FAM171A1: variants seen among roughly 807,000 people sequenced by gnomAD.
FAM171A1 encodes the protein family with sequence similarity 171 member A1, also known as protein FAM171A1.
FAM171A1 carries 23 observed loss-of-function variants against 74.9 expected under a neutral mutation model. That is an observed-to-expected ratio of 0.31 (90% CI 0.22 to 0.44). The LOEUF (loss-of-function observed/expected upper bound fraction) is 0.44, where lower values mean the gene tolerates loss of function less well. Ranked by LOEUF, FAM171A1 falls within the 20% of genes least tolerant of loss-of-function variation. The probability of loss-of-function intolerance (pLI) is 1.00; values close to 1 mark genes in which losing one functional copy is unlikely to be tolerated. For synonymous variants in FAM171A1, 527 were observed against 505.7 expected (o/e 1.04, Z -0.57); for missense variants, 1,162 against 1,159.2 (o/e 1.00, Z -0.03).
At position 15,332,113 on chromosome 10, in the gene FAM171A1, C is replaced by A. The variant is rs534548727; in HGVS notation, c.97+38843G>T. On this transcript the variant is annotated intron_variant, in intron 1 of 7. Coordinates refer to ENST00000378116, the MANE Select transcript of FAM171A1 (RefSeq NM_001010924.2). ...GATTACAGGTGGGCACCACCATGCCCAGCTAATTTTTTGTATTTTTAGTAG... is the reference window on the plus strand; with the variant it reads ...GATTACAGGTGGGCACCACCATGCCAAGCTAATTTTTTGTATTTTTAGTAG... 1.5e-4 allele frequency among the ~76,000 whole-genome samples: 22 copies of A among 151,514 alleles called. No individual in the cohort carries two copies. The East Asian group carries it at 2.3e-3, about 16-fold the overall frequency.
chr10:15,239,529 T>C (rs1834337270), intron 5 of FAM171A1, among the ~76,000 whole-genome samples: 1 of 152,084 alleles, frequency 6.6e-6, no homozygotes, highest in Admixed American at 6.6e-5. Context: ...CCTCAAACTC[T>C]TGACCTCAAG....
intron 1 of FAM171A1, among the ~76,000 whole-genome samples, chr10:15,335,183 G>A (rs1835686053): frequency 6.6e-6 from 1 of 152,182 alleles, no homozygotes; most frequent in South Asian, 2.1e-4. Context: ...GGTGGAATTT[G>A]CAGTGAGCAG....
At chr10:15,367,866 C>A (rs1413136346) in intron 1 of FAM171A1, among the ~76,000 whole-genome samples, 1 of 152,214 alleles carries the variant, frequency 6.6e-6, no homozygotes, top group Non-Finnish European at 1.5e-5. Flanking sequence ...AAGTTCTTAA[C>A]CTAGCTCTGA....
At chr10:15,303,822 G>A (rs1317154460) in intron 1 of FAM171A1, among the ~76,000 whole-genome samples, 1 of 152,230 alleles carries the variant, frequency 6.6e-6, no homozygotes. Flanking sequence ...CAGTGACGAC[G>A]TGCCCAAGAA....
At chr10:15,317,240 A>G (rs1346360806) in intron 1 of FAM171A1, among the ~76,000 whole-genome samples, 3 of 152,118 alleles carry the variant, frequency 2.0e-5, no homozygotes, top group Non-Finnish European at 2.9e-5. Context: ...CGGGAGAGAG[A>G]CAGGGGTCGC....
At position 15,304,302 on chromosome 10, in the gene FAM171A1, G is replaced by A. The variant is rs112154149; in HGVS notation, c.98-20197C>T. Among the ~76,000 whole-genome samples, 14 of 152,244 alleles carry A rather than the reference G, an allele frequency of 9.2e-5. 1 individual carries two copies. Among genetic ancestry groups the A allele is most frequent in the African/African-American group, 3.1e-4 (13 of 41,522 alleles). ...GAGCTTTGCTGGGCATGTAGGGACT[G>A]CCCCTCCCAGCAATTACTCCTGGAG... is the stretch of plus-strand genomic sequence containing the variant. On this transcript the variant is annotated intron_variant, in intron 1 of 7. Coordinates refer to ENST00000378116, the MANE Select transcript of FAM171A1 (RefSeq NM_001010924.2).
At chr10:15,365,833 G>C (rs909263881) in intron 1 of FAM171A1, among the ~76,000 whole-genome samples, 4 of 151,944 alleles carry the variant, frequency 2.6e-5, no homozygotes, top group African/African-American at 9.7e-5. Context: ...AATGTTTGCA[G>C]ACAGACTTGA....
At chr10:15,305,664 TA>T (rs59843893) in intron 1 of FAM171A1, among the ~76,000 whole-genome samples, 31 of 52,936 alleles carry the variant, frequency 5.9e-4, no homozygotes, top group Admixed American at 2.2e-3. Flanking sequence ...GAGATCTGGC[TA>T]AAAAAAAAAA....
At chr10:15,316,214 C>T (rs148673368) in intron 1 of FAM171A1, among the ~76,000 whole-genome samples, 18 of 152,318 alleles carry the variant, frequency 1.2e-4, no homozygotes, top group East Asian at 3.9e-4. Context: ...CCCTTGTGCA[C>T]GATGGTTTAT....
chr10:15,327,310 C>G (rs1835567601), intron 1 of FAM171A1, among the ~76,000 whole-genome samples: 1 of 152,172 alleles, frequency 6.6e-6, no homozygotes, highest in African/African-American at 2.4e-5. Context: ...CTGGCATGTG[C>G]TCAGCGCTCA....
Position 15,287,217 on chromosome 10 carries a change from G to A in FAM171A1, c.98-3112C>T, listed in dbSNP as rs1157623245. 1.0e-4 allele frequency among the ~76,000 whole-genome samples: 15 copies of A among 148,210 alleles called. 1 individual carries two copies. In the South Asian group the frequency reaches 2.8e-3, roughly 28 times the overall value. Reference sequence around the variant, plus strand: ...CGCCATTCTCCTGCCTCAGCCTCCCGAGTAGCTGGGAATACAGGCACCCGC... The same window carrying A: ...CGCCATTCTCCTGCCTCAGCCTCCCAAGTAGCTGGGAATACAGGCACCCGC... On this transcript the variant is annotated intron_variant, in intron 1 of 7. Coordinates refer to ENST00000378116, the MANE Select transcript of FAM171A1 (RefSeq NM_001010924.2).
At chr10:15,348,760 G>A (rs1425573998) in intron 1 of FAM171A1, among the ~76,000 whole-genome samples, 1 of 152,186 alleles carries the variant, frequency 6.6e-6, no homozygotes, top group South Asian at 2.1e-4. Flanking sequence ...TCCATGCTTC[G>A]TGACGCAGTT....
intron 1 of FAM171A1, among the ~76,000 whole-genome samples, chr10:15,358,135 C>G (rs897232892): frequency 6.6e-6 from 1 of 152,026 alleles, no homozygotes; most frequent in Non-Finnish European, 1.5e-5. Context: ...GCCACCATGC[C>G]CAGCTAATTT....
At chr10:15,251,705 C>G (rs1222225035) in intron 4 of FAM171A1, among the ~76,000 whole-genome samples, 1 of 152,132 alleles carries the variant, frequency 6.6e-6, no homozygotes, top group Non-Finnish European at 1.5e-5. Flanking sequence ...AGCCATCGCG[C>G]CTGGCCTATT....
intron 1 of FAM171A1, among the ~76,000 whole-genome samples, chr10:15,349,317 G>A (rs781297904): frequency 6.6e-6 from 1 of 152,218 alleles, no homozygotes; most frequent in Non-Finnish European, 1.5e-5. Flanking sequence ...GTAGTTAACT[G>A]CATGCAATAA....
chr10:15,316,256 C>G (rs921057488), intron 1 of FAM171A1, among the ~76,000 whole-genome samples: 8 of 152,198 alleles, frequency 5.3e-5, no homozygotes, highest in African/African-American at 1.9e-4. Context: ...TCTGGGTTTG[C>G]TGAGCAGCTG....
chr10:15,346,112 G>A lies in FAM171A1; in HGVS notation c.97+24844C>T, dbSNP rs534100642. ...CGGGGCTGCTTCACAGGTATTTTTT[G>A]TTTGTTTAGAGACAGGGTTGTCTTG... is the stretch of plus-strand genomic sequence containing the variant. On this transcript the variant is annotated intron_variant, in intron 1 of 7. Transcript: ENST00000378116. Among the ~76,000 whole-genome samples the A allele has an allele frequency of 7.0e-4, 107 of 152,236 alleles. No individual in the cohort carries two copies. The Middle Eastern group carries it at 0.014, about 19-fold the overall frequency.
intron 3 of FAM171A1, among the ~76,000 whole-genome samples, chr10:15,268,308 G>C (rs1215615519): frequency 6.6e-6 from 1 of 152,000 alleles, no homozygotes; most frequent in Non-Finnish European, 1.5e-5. Context: ...AGTGAAATGG[G>C]ATAACCCGTT....
At chr10:15,315,417 G>C (rs150650737) in intron 1 of FAM171A1, among the ~76,000 whole-genome samples, 168 of 152,288 alleles carry the variant, frequency 1.1e-3, no homozygotes, top group African/African-American at 3.8e-3. Flanking sequence ...GCAGGCCCGT[G>C]GCTAGCCTTT....
Sources: gnomAD v4.1 joint callset for allele counts (sites outside exome capture counted in the v4.1 genomes callset) on GRCh38, gnomAD v4.1.1 for gene constraint, MANE v1.5 for transcripts, NCBI Gene and HGNC (gene_info 2026-07-23, HGNC 2026-07-21) for gene names.